The following MYO3B variants were observed in gnomAD, a reference collection of about 807,000 sequenced individuals.
The protein encoded by MYO3B is myosin-IIIb.
A neutral mutation model predicts 174.6 loss-of-function variants in MYO3B; 156 were observed. The ratio of observed to expected loss-of-function variants is 0.89; its 90% CI spans 0.78 to 1.02. The LOEUF is 1.02. Ranked by LOEUF, MYO3B falls within the 50% of genes least tolerant of loss-of-function variation. The pLI, the probability that MYO3B is intolerant of heterozygous loss-of-function variation, is 0.00. For synonymous variants in MYO3B, 563 were observed against 569.1 expected, an observed-to-expected ratio of 0.99 and a Z score of 0.15; for missense variants, 1,632 against 1,639.4, an observed-to-expected ratio of 1.00 and a Z score of 0.08.
chr2:170,373,171 G>A (rs1232797962), intron 9 of MYO3B, among the ~76,000 whole-genome samples: 1 of 152,194 alleles, frequency 6.6e-6, no homozygotes, highest in Non-Finnish European at 1.5e-5. Context: ...ATATTGTCAG[G>A]ACTTAGTGAT....
At chr2:170,228,458 A>G (rs1268607005) in intron 6 of MYO3B, among the ~76,000 whole-genome samples, 1 of 152,208 alleles carries the variant, frequency 6.6e-6, no homozygotes, top group African/African-American at 2.4e-5. Context: ...GTGCTCCTTC[A>G]CTTTTTGAGT....
At chr2:170,362,389 A>G (rs2094168293) in intron 8 of MYO3B, among the ~76,000 whole-genome samples, 1 of 152,164 alleles carries the variant, frequency 6.6e-6, no homozygotes, top group Non-Finnish European at 1.5e-5. Context: ...AGCTTTGTCT[A>G]AAGATCAGGC....
In MYO3B at chr2:170,383,813, A is replaced by G; in HGVS notation, c.1289A>G (p.Gln430Arg). ...YQCMVTLSKD[Q>R]CIVISGESGS... is the part of the protein sequence containing the mutation. ...TGCATGGTTACTCTCAGCAAAGACCAGGTAAGAACTCACCTTCCTTTCCTA... is the reference window on the plus strand; with the variant it reads ...TGCATGGTTACTCTCAGCAAAGACCGGGTAAGAACTCACCTTCCTTTCCTA... The change falls in exon 12 of 35, where the codon CAG becomes CGG. Residue 430 changes from glutamine to arginine, a missense_variant and splice_region_variant. By Grantham distance (43) the Gln-to-Arg change is conservative (BLOSUM62 1). Coordinates refer to ENST00000408978, the MANE Select transcript of MYO3B (RefSeq NM_138995.5). 1 of 1,609,820 alleles carries G rather than the reference A, an allele frequency of 6.2e-7. No homozygotes were observed. Among genetic ancestry groups the G allele is most frequent in the South Asian group, 1.1e-5 (1 of 90,954 alleles).
intron 6 of MYO3B, among the ~76,000 whole-genome samples, chr2:170,219,247 T>C (rs1233665223): frequency 1.3e-5 from 2 of 152,222 alleles, no homozygotes; most frequent in Non-Finnish European, 2.9e-5. Context: ...CACTGCATTG[T>C]AGTTGTTGGC....
intron 32 of MYO3B, among the ~76,000 whole-genome samples, chr2:170,627,350 T>C (rs1696537773): frequency 6.6e-6 from 1 of 152,234 alleles, no homozygotes; most frequent in Non-Finnish European, 1.5e-5. Context: ...AATCGGCTAC[T>C]GAAGCTTGTG....
At chr2:170,240,960 C>T (rs1157727) in intron 7 of MYO3B, among the ~76,000 whole-genome samples, 84,891 of 151,606 alleles carry the variant, frequency 0.56, 23,955 homozygotes, top group East Asian at 0.71. Context: ...ATACATGTTA[C>T]ATAAAAGTAG....
intron 32 of MYO3B, among the ~76,000 whole-genome samples, chr2:170,628,747 C>A (rs549453275): frequency 6.6e-6 from 1 of 152,168 alleles, no homozygotes; most frequent in South Asian, 2.1e-4. Flanking sequence ...TCAAAGCCCC[C>A]CTAGAAGTTC....
At chr2:170,378,748 G>T (rs10497363) in intron 9 of MYO3B, among the ~76,000 whole-genome samples, 1 of 152,312 alleles carries the variant, frequency 6.6e-6, no homozygotes, top group Non-Finnish European at 1.5e-5. Context: ...GAGATTGCAA[G>T]TAAGGTTTGG....
At position 170,214,904 on chromosome 2, in the gene MYO3B, G is replaced by T. The variant is rs553572154; in HGVS notation, c.526+76G>T. On this transcript the variant is annotated intron_variant, in intron 5 of 34. Transcript: ENST00000408978. ...GGGACAATTTATTGCAATCTCAGAA[G>T]ACTGGGGCTTCTCTGCTACACCATA... 5.0e-5 allele frequency: 56 copies of T among 1,114,144 alleles called. No homozygotes were observed. The African/African-American group carries it at 7.5e-4, about 15-fold the overall frequency. The allele number at this position is 1,114,144 out of a possible 1,614,324, so 69.0% of individuals were successfully genotyped here. A position where few individuals can be genotyped will look rare whatever the true frequency, so the allele number is the denominator to read the frequency against.
Position 170,492,839 on chromosome 2 carries a change from T to A in MYO3B, c.3015-5753T>A, listed in dbSNP as rs1219116124. Among the ~76,000 whole-genome samples the A allele has an allele frequency of 2.0e-5, 3 of 152,210 alleles. No individual in the cohort carries two copies. The East Asian group carries it at 5.8e-4, about 29-fold the overall frequency. Reference sequence around the variant, plus strand: ...TCTCAGACTTATGTCCTTCGCAATCTTCTGAGTAGAACCAGAGCAAAGACC... The same window carrying A: ...TCTCAGACTTATGTCCTTCGCAATCATCTGAGTAGAACCAGAGCAAAGACC... On this transcript the variant is annotated intron_variant, in intron 25 of 34. Coordinates refer to ENST00000408978, the MANE Select transcript of MYO3B (RefSeq NM_138995.5).
At chr2:170,208,997 T>G (rs2105354534) in intron 3 of MYO3B, among the ~76,000 whole-genome samples, 1 of 152,282 alleles carries the variant, frequency 6.6e-6, no homozygotes, top group African/African-American at 2.4e-5. Flanking sequence ...CCTGGTCCTG[T>G]CATAAAGTAA....
At chr2:170,276,318 G>A (rs999563764) in intron 7 of MYO3B, among the ~76,000 whole-genome samples, 1 of 152,056 alleles carries the variant, frequency 6.6e-6, no homozygotes, top group Non-Finnish European at 1.5e-5. Flanking sequence ...TTATTTTTAG[G>A]CTACTTATTC....
At chr2:170,587,780 G>A (rs946468809) in intron 32 of MYO3B, among the ~76,000 whole-genome samples, 2 of 152,238 alleles carry the variant, frequency 1.3e-5, no homozygotes, top group African/African-American at 2.4e-5. Flanking sequence ...ACTGTTAGCT[G>A]TAGATGATTT....
intron 6 of MYO3B, among the ~76,000 whole-genome samples, chr2:170,231,133 T>C (rs139815878): frequency 0.033 from 5,015 of 152,304 alleles, 101 homozygotes; most frequent in African/African-American, 0.056. Flanking sequence ...AAAGCAGTTG[T>C]GCATGTGGTT....
rs540514923 is a variant in MYO3B, at chr2:170,508,713, G to A, written c.3371-6208G>A. ...CATTGGAAATAAGGTACCAGTCAAA[G>A]CTTTGGAAAGAGTTGAAATACTGTC... On this transcript the variant is annotated intron_variant, in intron 28 of 34. Coordinates refer to ENST00000408978, the MANE Select transcript of MYO3B (RefSeq NM_138995.5). 2.6e-5 allele frequency among the ~76,000 whole-genome samples: 4 copies of A among 152,328 alleles called. No individual in the cohort carries two copies. In the East Asian group the frequency reaches 7.7e-4, roughly 29 times the overall value.
Position 170,385,357 on chromosome 2 carries a change from C to A in MYO3B, c.1291-832C>A, listed in dbSNP as rs74609510. Among the ~76,000 whole-genome samples the A allele has an allele frequency of 1.4e-3, 210 of 152,250 alleles. 2 individuals are homozygous for A. Among genetic ancestry groups the A allele is most frequent in the African/African-American group, 4.8e-3 (201 of 41,544 alleles). On this transcript the variant is annotated intron_variant, in intron 12 of 34. Transcript: ENST00000408978. ...CCAGTCTGAAGCTGTCTAGGGGGCT[C>A]ACCTTGAACCACCTTCTTAGGAATA...
chr2:170,360,138 T>C (rs1307603311), intron 8 of MYO3B, among the ~76,000 whole-genome samples: 1 of 152,150 alleles, frequency 6.6e-6, no homozygotes, highest in Non-Finnish European at 1.5e-5. Flanking sequence ...GTGGAACAGA[T>C]TGTTCATTTC....
At chr2:170,487,549 A>G (rs994397711) in intron 25 of MYO3B, among the ~76,000 whole-genome samples, 1 of 152,244 alleles carries the variant, frequency 6.6e-6, no homozygotes, top group African/African-American at 2.4e-5. Flanking sequence ...CTAAAACTCT[A>G]CAGAGTGAAT....
chr2:170,289,164 A>G (rs551129547), intron 7 of MYO3B, among the ~76,000 whole-genome samples: 18 of 152,010 alleles, frequency 1.2e-4, no homozygotes, highest in Admixed American at 8.5e-4. Flanking sequence ...TCAGCCTGTC[A>G]TTTTTGTTGT....
Sources: allele counts gnomAD v4.1 joint callset (sites outside exome capture counted in the v4.1 genomes callset), GRCh38; gene constraint gnomAD v4.1.1; transcripts MANE v1.5; gene names NCBI Gene and HGNC (gene_info 2026-07-23, HGNC 2026-07-21).